CLN8: variants seen among roughly 807,000 people sequenced by gnomAD.
CLN8 encodes CLN8 transmembrane ER and ERGIC protein.
In CLN8, 14 loss-of-function variants were observed where a neutral mutation model predicts 15.7. The ratio of observed to expected loss-of-function variants is 0.89; its 90% CI spans 0.59 to 1.39. CLN8 has a LOEUF of 1.39. Among genes scored for constraint, CLN8 ranks in the 40% most tolerant of loss-of-function variants. CLN8 has a pLI of 0.00. For missense variants in CLN8, 415 were observed against 364.0 expected (o/e 1.14, Z -1.14); for synonymous variants, 188 against 151.0 (o/e 1.25, Z -1.80).
chr8:1,756,526 T>C (rs941224138), intron 1 of CLN8, among the ~76,000 whole-genome samples: 6 of 152,026 alleles, frequency 3.9e-5, no homozygotes, highest in African/African-American at 1.2e-4. Context: ...ATTTCTTTTA[T>C]ACATCTGTAT....
chr8:1,780,280 C>T lies in CLN8; in HGVS notation c.574C>T (p.Leu192Phe). 1 of 1,614,274 alleles carries T rather than the reference C, an allele frequency of 6.2e-7. No individual in the cohort carries two copies. The highest frequency in any genetic ancestry group is 8.5e-7 in the Non-Finnish European group (1 of 1,180,048). ...AGWSESLFWK[L>F]NQWLMIHMFH... ...CTGGTCCGAGTCTCTGTTTTGGAAG[C>T]TCAACCAGTGGCTGATGATTCACAT... Residue 192 changes from leucine (L) to phenylalanine (F), a missense_variant, in exon 3 of 3, where the codon CTC becomes TTC. Transcript: ENST00000331222.
Position 1,771,332 on chromosome 8 carries a change from C to G in CLN8, c.278C>G (p.Ala93Gly), listed in dbSNP as rs1468620144. ...WALLGDPVLH[A>G]DKARGQQNWC... ...CTGCTGGGGGACCCTGTGCTGCATG[C>G]CGACAAGGCGCGTGGCCAGCAGAAC... Residue 93 changes from alanine (A) to glycine (G), a missense_variant, in exon 2 of 3, where the codon GCC (alanine) becomes GGC (glycine). Coordinates refer to ENST00000331222, the MANE Select transcript of CLN8 (RefSeq NM_018941.4). 6.2e-7 allele frequency: 1 copy of G among 1,614,188 alleles called. No homozygotes were observed. The highest frequency in any genetic ancestry group is 1.1e-5 in the South Asian group (1 of 91,080).
chr8:1,759,824 C>G (rs1800750677), upstream of CLN8: 1 of 152,246 alleles, frequency 6.6e-6, no homozygotes, highest in Non-Finnish European at 1.5e-5. Context: ...CTATTGCTCA[C>G]TGGTGAAGGA....
At chr8:1,766,016 C>G (rs954912078) in intron 1 of CLN8, among the ~76,000 whole-genome samples, 2 of 152,128 alleles carry the variant, frequency 1.3e-5, no homozygotes, top group African/African-American at 4.8e-5. Flanking sequence ...CCCCCATAAA[C>G]CGGAGGAGCG....
chr8:1,766,329 T>C (rs1801053429), intron 1 of CLN8, among the ~76,000 whole-genome samples: 1 of 151,972 alleles, frequency 6.6e-6, no homozygotes, highest in Non-Finnish European at 1.5e-5. Context: ...GTGGAAGGGC[T>C]TGGAAGCCTT....
upstream of CLN8, among the ~76,000 whole-genome samples, chr8:1,753,059 CGCAAAGATCTTCCTCTGAGTTAGACGGTG>C (rs1293908430): frequency 6.6e-6 from 1 of 152,192 alleles, no homozygotes; most frequent in Non-Finnish European, 1.5e-5. Context: ...ACTATGATGA[CGCAAAGATCTTCCTCTGAGTTAGACGGTG>C]GCAGCCTCAT....
chr8:1,770,075 G>T (rs939912765), intron 1 of CLN8, among the ~76,000 whole-genome samples: 1 of 152,158 alleles, frequency 6.6e-6, no homozygotes, highest in African/African-American at 2.4e-5. Context: ...TTTGATCCTA[G>T]TTAACACCCC....
chr8:1,767,636 A>G (rs989072292), intron 1 of CLN8, among the ~76,000 whole-genome samples: 7 of 131,976 alleles, frequency 5.3e-5, no homozygotes, highest in Admixed American at 1.7e-4. Flanking sequence ...CAGTGGCGCA[A>G]TCTCAGCTCA....
chr8:1,754,011 C>G (rs1800611587), upstream of CLN8, among the ~76,000 whole-genome samples: 1 of 152,160 alleles, frequency 6.6e-6, no homozygotes, highest in African/African-American at 2.4e-5. Flanking sequence ...TGTGAGTCTG[C>G]CTTTCTTCAT....
rs929160717 is a variant in CLN8, at chr8:1,782,817, G to T, written c.*2250G>T. Reference sequence around the variant, plus strand: ...TCATGTGTTCAGAATTCGATTTGGAGTTGGAAGTGGACAGCCTAATTTTTA... The same window carrying T: ...TCATGTGTTCAGAATTCGATTTGGATTTGGAAGTGGACAGCCTAATTTTTA... On this transcript the variant is annotated 3_prime_UTR_variant, in exon 3 of 3. Coordinates refer to ENST00000331222, the MANE Select transcript of CLN8 (RefSeq NM_018941.4). 1 of 152,242 alleles carries T rather than the reference G, an allele frequency of 6.6e-6. No individual in the cohort carries two copies. Among genetic ancestry groups the T allele is most frequent in the Admixed American group, 6.5e-5 (1 of 15,286 alleles). The allele number at this position is 152,242 out of a possible 1,614,324, so 9.4% of individuals were successfully genotyped here. A position where few individuals can be genotyped will look rare whatever the true frequency, so the allele number is the denominator to read the frequency against.
chr8:1,773,071 C>T (rs978929571), intron 2 of CLN8: 4 of 396,896 alleles, frequency 1.0e-5, no homozygotes, highest in Admixed American at 4.4e-5. Context: ...GGACACCAGC[C>T]GGGTGTCAGA....
rs386834131 is a variant in CLN8 at position 1,771,561 on chromosome 8, C to T, written c.507C>T (p.Ser169=). The T allele has an allele frequency of 6.2e-7, 1 of 1,614,086 alleles. No individual in the cohort carries two copies. Among genetic ancestry groups the T allele is most frequent in the Non-Finnish European group, 8.5e-7 (1 of 1,180,030 alleles). ...LAMTTLLLEM[S]TPFTCVSWML... ...TGACCACGTTGCTCCTGGAGATGAGCACGCCCTTTACCTGCGTTTCCTGGA... is the reference window on the plus strand; with the variant it reads ...TGACCACGTTGCTCCTGGAGATGAGTACGCCCTTTACCTGCGTTTCCTGGA... Residue 169 remains serine, a synonymous_variant, in exon 2 of 3, where the codon AGC becomes AGT. Coordinates refer to ENST00000331222, the MANE Select transcript of CLN8 (RefSeq NM_018941.4).
In CLN8 at chr8:1,781,814, G is replaced by C. The variant is rs1024634397; in HGVS notation, c.*1247G>C. On this transcript the variant is annotated 3_prime_UTR_variant, in exon 3 of 3. Transcript: ENST00000331222. ...CAGAGATGCTCGACTGCAGGGTCCT[G>C]GGGTCCCTAGAGTGGTCCTGCAGCA... 6.6e-6 allele frequency: 1 copy of C among 152,144 alleles called. No individual in the cohort carries two copies. The highest frequency in any genetic ancestry group is 1.5e-5 in the Non-Finnish European group (1 of 68,052). 9.4% of individuals were successfully genotyped at this position (152,144 alleles called of 1,614,324 possible).
chr8:1,772,869 A>T (rs776352657), intron 2 of CLN8: 1 of 398,474 alleles, frequency 2.5e-6, no homozygotes, highest in Non-Finnish European at 4.4e-6. Flanking sequence ...AGATCCTGCA[A>T]ATGTTCAGCC....
At chr8:1,771,674 A>G in intron 2 of CLN8, 77 bp downstream of exon 2, 2 of 1,374,572 alleles carry the variant, frequency 1.5e-6, no homozygotes, top group South Asian at 1.2e-5. Context: ...GGACGCTGCC[A>G]TAAACTCAAC....
upstream of CLN8, among the ~76,000 whole-genome samples, chr8:1,761,136 C>T (rs1020802879): frequency 1.3e-4 from 20 of 149,122 alleles, no homozygotes; most frequent in African/African-American, 4.7e-4. Flanking sequence ...TCTCCTGCCT[C>T]AGCCTCCCAC....
rs1264960670 is a variant in CLN8, at chr8:1,784,131, CAA to C, written c.*3567_*3568del. 2.0e-5 allele frequency: 3 copies of C among 152,138 alleles called. No individual in the cohort carries two copies. Among genetic ancestry groups the C allele is most frequent in the Non-Finnish European group, 4.4e-5 (3 of 68,072 alleles). 9.4% of individuals were successfully genotyped at this position (152,138 alleles called of 1,614,324 possible). On this transcript the variant is annotated 3_prime_UTR_variant, in exon 3 of 3. Transcript: ENST00000331222. ...TGAAACCCCATCTCTACTAAAAAAA[CAA>C]AACTAGCTGGGGGTGGTGGTGCATG...
chr8:1,780,741 T>C lies in CLN8; in HGVS notation c.*174T>C. The C allele has an allele frequency of 1.5e-6, 1 of 662,816 alleles. No individual in the cohort carries two copies. Among genetic ancestry groups the C allele is most frequent in the East Asian group, 2.7e-5 (1 of 36,632 alleles). The allele number at this position is 662,816 out of a possible 1,614,324, so 41.1% of individuals were successfully genotyped here. ...ATTTTGAAGTAGCTACAAAGTATTT[T>C]TAAGAAATTATAATTTTATGACTGT... On this transcript the variant is annotated 3_prime_UTR_variant, in exon 3 of 3. Coordinates refer to ENST00000331222, the MANE Select transcript of CLN8 (RefSeq NM_018941.4).
intron 1 of CLN8, among the ~76,000 whole-genome samples, chr8:1,770,130 G>A (rs1462838697): frequency 6.6e-6 from 1 of 152,202 alleles, no homozygotes; most frequent in East Asian, 1.9e-4. Flanking sequence ...GGAGCTTGTA[G>A]CAAAGGTACT....
Sources: gnomAD v4.1 joint callset for allele counts (sites outside exome capture counted in the v4.1 genomes callset) on GRCh38, gnomAD v4.1.1 for gene constraint, MANE v1.5 for transcripts, NCBI Gene and HGNC (gene_info 2026-07-23, HGNC 2026-07-21) for gene names.